ANGPTL7: variants seen among roughly 807,000 people sequenced by gnomAD.
The protein encoded by ANGPTL7 is angiopoietin-related protein 7.
A neutral mutation model predicts 38.8 loss-of-function variants in ANGPTL7; 37 were observed. The ratio of observed to expected loss-of-function variants is 0.95; its 90% CI spans 0.73 to 1.25. The LOEUF is 1.25. Ranked by LOEUF, ANGPTL7 falls within the 50% of genes most tolerant of loss-of-function variation. The pLI is 0.00. For missense variants in ANGPTL7, 427 were observed against 438.6 expected (o/e 0.97, Z 0.24); for synonymous variants, 166 against 163.2 (o/e 1.02, Z -0.13).
intron 3 of ANGPTL7, among the ~76,000 whole-genome samples, chr1:11,194,101 A>T (rs1423973831): frequency 6.6e-6 from 1 of 152,008 alleles, no homozygotes; most frequent in Non-Finnish European, 1.5e-5. Context: ...AATCTTACTG[A>T]TACTGTTTGG....
intron 1 of ANGPTL7, among the ~76,000 whole-genome samples, chr1:11,191,219 C>T (rs980680122): frequency 1.3e-5 from 2 of 152,196 alleles, no homozygotes; most frequent in African/African-American, 2.4e-5. Flanking sequence ...TTGCCCAGGA[C>T]ATCATTCCTT....
At position 11,189,723 on chromosome 1, in the gene ANGPTL7, G is replaced by A; in HGVS notation, c.144G>A (p.Glu48=). 3 of 1,614,206 alleles carry A rather than the reference G, an allele frequency of 1.9e-6. No individual in the cohort carries two copies. The highest frequency in any genetic ancestry group is 1.7e-6 in the Non-Finnish European group (2 of 1,180,040). The change falls in exon 1 of 5, where the codon GAG becomes GAA. Residue 48 remains glutamate (E), a synonymous_variant. Coordinates refer to ENST00000376819, the MANE Select transcript of ANGPTL7 (RefSeq NM_021146.4). ...PQLKAANCCE[E]VKELKAQVAN... ...TCAAAGCGGCCAACTGCTGTGAGGA[G>A]GTGAAGGAGCTCAAGGCCCAAGTTG... is the stretch of plus-strand genomic sequence containing the variant.
Position 11,195,164 on chromosome 1 carries a change from AG to A in ANGPTL7, c.*143del. 1 of 953,262 alleles carries A rather than the reference AG, an allele frequency of 1.0e-6. No homozygotes were observed. The highest frequency in any genetic ancestry group is 1.5e-6 in the Non-Finnish European group (1 of 650,240). The allele number at this position is 953,262 out of a possible 1,614,324, so 59.1% of individuals were successfully genotyped here. A position where few individuals can be genotyped will look rare whatever the true frequency, so the allele number is the denominator to read the frequency against. Reference sequence around the variant, plus strand: ...TCTCCAAAGAAAGAATAAGTCTCCAAGGAGCACAAAAAAATCATATGTACCA... The same window carrying A: ...TCTCCAAAGAAAGAATAAGTCTCCAAGAGCACAAAAAAATCATATGTACCA... On this transcript the variant is annotated 3_prime_UTR_variant, in exon 5 of 5. Transcript: ENST00000376819.
Position 11,189,699 on chromosome 1 carries a change from C to G in ANGPTL7, c.120C>G (p.Leu40=). 1 of 1,614,198 alleles carries G rather than the reference C, an allele frequency of 6.2e-7. No individual in the cohort carries two copies. The highest frequency in any genetic ancestry group is 1.6e-4 in the Middle Eastern group (1 of 6,062). The part of the protein sequence containing the change: ...SKHKTPAQPQ[L]KAANCCEEVK... ...ACAAGACACCAGCACAGCCACAGCT[C>G]AAAGCGGCCAACTGCTGTGAGGAGG... The change falls in exon 1 of 5, where the codon CTC becomes CTG. Residue 40 remains leucine, a synonymous_variant. Transcript: ENST00000376819.
Position 11,194,852 on chromosome 1 carries a change from A to G in ANGPTL7, c.872-2A>G. ...TAGCACTGGGTCTGTTTCTCATGCC[A>G]GGTGGCTACTGGTACAACTGCTGCA... On this transcript the variant is annotated splice_acceptor_variant, in intron 4 of 4. Coordinates refer to ENST00000376819, the MANE Select transcript of ANGPTL7 (RefSeq NM_021146.4). LOFTEE classifies it high-confidence loss of function. 6.2e-7 allele frequency: 1 copy of G among 1,613,946 alleles called. No homozygotes were observed. The highest frequency in any genetic ancestry group is 1.1e-5 in the South Asian group (1 of 91,032).
chr1:11,191,591 GA>G (rs1645532907), intron 1 of ANGPTL7, among the ~76,000 whole-genome samples: 2 of 152,150 alleles, frequency 1.3e-5, no homozygotes, highest in Admixed American at 1.3e-4. Context: ...TTAGAATACA[GA>G]GCTTAAATCC....
chr1:11,191,682 C>CA (rs1645536721), intron 1 of ANGPTL7, among the ~76,000 whole-genome samples: 1 of 152,158 alleles, frequency 6.6e-6, no homozygotes, highest in Non-Finnish European at 1.5e-5. Flanking sequence ...TTTAACAAAA[C>CA]TTCTGGGAGG....
intron 3 of ANGPTL7, 57 bp from the exon 4 acceptor site, chr1:11,194,404 A>C: frequency 6.5e-7 from 1 of 1,539,030 alleles, no homozygotes; most frequent in Non-Finnish European, 9.0e-7. Context: ...AGGGGTATAG[A>C]GACAGCATGA....
In ANGPTL7 at chr1:11,193,682, G is replaced by A; in HGVS notation, c.580G>A (p.Gly194Ser). 6.2e-7 allele frequency: 1 copy of A among 1,614,122 alleles called. No individual in the cohort carries two copies. The highest frequency in any genetic ancestry group is 8.5e-7 in the Non-Finnish European group (1 of 1,180,024). ...CCGGGACTGGAAGCAGTACAAGCAGGGCTTTGGCAGCATCCGTGGGGACTT... is the reference window on the plus strand; with the variant it reads ...CCGGGACTGGAAGCAGTACAAGCAGAGCTTTGGCAGCATCCGTGGGGACTT... ...FYRDWKQYKQ[G>S]FGSIRGDFWL... The change falls in exon 3 of 5, where the codon GGC becomes AGC. Residue 194 changes from glycine to serine, a missense_variant. Physicochemically the swap from Gly to Ser is moderately conservative, Grantham distance 56 (BLOSUM62 0). Coordinates refer to ENST00000376819, the MANE Select transcript of ANGPTL7 (RefSeq NM_021146.4).
At chr1:11,193,887 G>T in intron 3 of ANGPTL7, 113 bp downstream of exon 3, 1 of 1,123,690 alleles carries the variant, frequency 8.9e-7, no homozygotes, top group Non-Finnish European at 1.3e-6. Flanking sequence ...TATATTCATT[G>T]TGATGGTTTT....
At chr1:11,192,505 C>A in intron 2 of ANGPTL7, 135 bp downstream of exon 2, 1 of 705,174 alleles carries the variant, frequency 1.4e-6, no homozygotes, top group East Asian at 2.6e-5. Context: ...CCTGTAATCC[C>A]AGCACTATGG....
In ANGPTL7 at chr1:11,194,893, A is replaced by G. The variant is rs200021298; in HGVS notation, c.911A>G (p.Asn304Ser). The G allele has an allele frequency of 8.1e-6, 13 of 1,614,096 alleles. No individual in the cohort carries two copies. The highest frequency in any genetic ancestry group is 5.0e-5 in the Admixed American group (3 of 60,016). Residue 304 changes from asparagine (N) to serine (S), a missense_variant, in exon 5 of 5, where the codon AAT becomes AGT. By Grantham distance (46) the Asn-to-Ser change is conservative. Coordinates refer to ENST00000376819, the MANE Select transcript of ANGPTL7 (RefSeq NM_021146.4). Reference sequence around the variant, plus strand: ...AACTGCTGCACAGACTCCAACCTCAATGGAGTGTACTACCGCCTGGGTGAG... The same window carrying G: ...AACTGCTGCACAGACTCCAACCTCAGTGGAGTGTACTACCGCCTGGGTGAG... ...WYNCCTDSNL[N>S]GVYYRLGEHN...
chr1:11,191,349 C>T (rs1020894255), intron 1 of ANGPTL7, among the ~76,000 whole-genome samples: 2 of 152,122 alleles, frequency 1.3e-5, no homozygotes, highest in South Asian at 2.1e-4. Flanking sequence ...ATAGTGATGG[C>T]GAAGGCACAC....
At position 11,192,503 on chromosome 1, in the gene ANGPTL7, C is replaced by T. The variant is rs1338366308; in HGVS notation, c.477+133C>T. 8 of 713,364 alleles carry T rather than the reference C, an allele frequency of 1.1e-5. No homozygotes were observed. In the Admixed American group the frequency reaches 1.2e-4, roughly 11 times the overall value. 44.2% of individuals were successfully genotyped at this position (713,364 alleles called of 1,614,324 possible). ...GGGCGCAGTGGCTCACACCTGTAAT[C>T]CCAGCACTATGGGAGGCCGAGGCAG... is the stretch of plus-strand genomic sequence containing the variant. On this transcript the variant is annotated intron_variant, in intron 2 of 4. Transcript: ENST00000376819.
rs757991276 is a variant in ANGPTL7 at position 11,189,548 on chromosome 1, G to A, written c.-32G>A. 7 of 1,559,494 alleles carry A rather than the reference G, an allele frequency of 4.5e-6. No individual in the cohort carries two copies. In the East Asian group the frequency reaches 1.6e-4, roughly 35 times the overall value. On this transcript the variant is annotated 5_prime_UTR_variant, in exon 1 of 5. Transcript: ENST00000376819. ...CTGGGCATCTCCAGACTCCCCTGAA[G>A]GAAGAGCCTTCCTCACCCAAACCCA...
chr1:11,194,720 G>A, intron 4 of ANGPTL7, 61 bp downstream of exon 4: 4 of 1,609,484 alleles, frequency 2.5e-6, no homozygotes, highest in East Asian at 2.2e-5. Context: ...CCCACTTGAG[G>A]AGAAAGAGTG....
intron 2 of ANGPTL7, among the ~76,000 whole-genome samples, chr1:11,193,098 C>T (rs1249476562): frequency 6.6e-6 from 1 of 152,034 alleles, no homozygotes; most frequent in African/African-American, 2.4e-5. Context: ...GGAACAATCA[C>T]CTGAGGTCAG....
rs1053143756 is a variant in ANGPTL7 at position 11,195,625 on chromosome 1, G to C, written c.*602G>C. 2 of 153,950 alleles carry C rather than the reference G, an allele frequency of 1.3e-5. No individual in the cohort carries two copies. Among genetic ancestry groups the C allele is most frequent in the African/African-American group, 4.8e-5 (2 of 41,470 alleles). 9.5% of individuals were successfully genotyped at this position (153,950 alleles called of 1,614,324 possible). ...AGGAAACTCCAGGGCACTGCATCTGGCGATCAGACTCTGAGCACTGCCCCT... is the reference window on the plus strand; with the variant it reads ...AGGAAACTCCAGGGCACTGCATCTGCCGATCAGACTCTGAGCACTGCCCCT... On this transcript the variant is annotated 3_prime_UTR_variant, in exon 5 of 5. Transcript: ENST00000376819.
rs569700322 is a variant in ANGPTL7 at position 11,189,492 on chromosome 1, A to T, written c.-88A>T. On this transcript the variant is annotated 5_prime_UTR_variant, in exon 1 of 5. Coordinates refer to ENST00000376819, the MANE Select transcript of ANGPTL7 (RefSeq NM_021146.4). ...CCCTCAGAGTGAAAGCGTAAGGTTC[A>T]GTCAGCCTGCTGCAGCTTTGCAGAC... The T allele has an allele frequency of 6.9e-7, 1 of 1,451,402 alleles. No homozygotes were observed. The highest frequency in any genetic ancestry group is 2.3e-5 in the East Asian group (1 of 43,832). The allele number at this position is 1,451,402 out of a possible 1,614,324, so 89.9% of individuals were successfully genotyped here.
Sources: allele counts gnomAD v4.1 joint callset (sites outside exome capture counted in the v4.1 genomes callset), GRCh38; gene constraint gnomAD v4.1.1; transcripts MANE v1.5; gene names NCBI Gene and HGNC (gene_info 2026-07-23, HGNC 2026-07-21).